Variants in QTMAN observed in about 807,000 individuals in gnomAD.
QTMAN encodes queuosine-tRNA mannosyltransferase, also known as tRNA-queuosine alpha-mannosyltransferase.
chr2:144,231,194 A>T, the QTMAN span, among the ~76,000 whole-genome samples: 2 of 152,172 alleles, frequency 1.3e-5, no homozygotes. Context: ...TTAAGGGAAG[A>T]TTACTCATTT....
the QTMAN span, among the ~76,000 whole-genome samples, chr2:144,136,213 G>C: frequency 4.0e-5 from 6 of 151,790 alleles, no homozygotes; most frequent in African/African-American, 1.2e-4. Context: ...TGCAGTCCCA[G>C]CTATCAGTAG....
chr2:144,016,647 C>T, the QTMAN span, among the ~76,000 whole-genome samples: 1 of 152,180 alleles, frequency 6.6e-6, no homozygotes, highest in Non-Finnish European at 1.5e-5. Context: ...GGGAAGCCAT[C>T]ATTTGCAGGT....
At chr2:144,077,660 T>C in the QTMAN span, among the ~76,000 whole-genome samples, 1 of 152,206 alleles carries the variant, frequency 6.6e-6, no homozygotes, top group African/African-American at 2.4e-5. Context: ...CACAAATATA[T>C]ATGTATGTGC....
the QTMAN span, among the ~76,000 whole-genome samples, chr2:144,279,693 C>T: frequency 1.3e-5 from 2 of 152,170 alleles, no homozygotes; most frequent in African/African-American, 4.8e-5. Flanking sequence ...TGAACTTTGT[C>T]CACCAAGTTC....
At chr2:144,157,151 CTTTA>C in the QTMAN span, among the ~76,000 whole-genome samples, 1 of 152,134 alleles carries the variant, frequency 6.6e-6, no homozygotes, top group South Asian at 2.1e-4. Flanking sequence ...GTTTGAAAAA[CTTTA>C]TTTACAGTGT....
chr2:144,302,225 T>C, the QTMAN span, among the ~76,000 whole-genome samples: 1 of 151,534 alleles, frequency 6.6e-6, no homozygotes, highest in African/African-American at 2.4e-5. Context: ...CTGCTTTTCC[T>C]CAATTATATA....
the QTMAN span, among the ~76,000 whole-genome samples, chr2:144,180,648 T>C: frequency 1.3e-5 from 2 of 152,210 alleles, no homozygotes; most frequent in African/African-American, 4.8e-5. Context: ...TTCACATTTT[T>C]AAAAAACTGC....
the QTMAN span, among the ~76,000 whole-genome samples, chr2:144,269,264 A>G: frequency 3.3e-5 from 5 of 152,186 alleles, no homozygotes; most frequent in African/African-American, 1.2e-4. Context: ...TTAAATAATA[A>G]TAATTCTAAA....
At chr2:144,075,043 A>G in the QTMAN span, among the ~76,000 whole-genome samples, 1 of 152,228 alleles carries the variant, frequency 6.6e-6, no homozygotes, top group African/African-American at 2.4e-5. Flanking sequence ...TGAGGAGGTA[A>G]GCAATACGGA....
At chr2:144,110,052 G>A in the QTMAN span, among the ~76,000 whole-genome samples, 1 of 152,156 alleles carries the variant, frequency 6.6e-6, no homozygotes, top group Admixed American at 6.5e-5. Context: ...TATATACCCA[G>A]AGGATTATAA....
At chr2:144,328,500 C>T in the QTMAN span, among the ~76,000 whole-genome samples, 20 of 152,334 alleles carry the variant, frequency 1.3e-4, no homozygotes, top group African/African-American at 4.1e-4. Flanking sequence ...AAACTGAGTA[C>T]ATCCAAAGGA....
At chr2:144,067,447 A>G in the QTMAN span, among the ~76,000 whole-genome samples, 1 of 152,248 alleles carries the variant, frequency 6.6e-6, no homozygotes, top group South Asian at 2.1e-4. Context: ...CTTCTATAGC[A>G]TTTAGCGAGG....
chr2:144,318,052 C>T, the QTMAN span, among the ~76,000 whole-genome samples: 2 of 152,042 alleles, frequency 1.3e-5, no homozygotes, highest in African/African-American at 4.8e-5. Context: ...ATTCATCGTC[C>T]CTTTCCCCTT....
the QTMAN span, among the ~76,000 whole-genome samples, chr2:144,158,399 C>A: frequency 6.6e-6 from 1 of 151,902 alleles, no homozygotes; most frequent in African/African-American, 2.4e-5. Context: ...TCAACACTTT[C>A]AACAGCAGGT....
At chr2:144,175,220 C>T in the QTMAN span, among the ~76,000 whole-genome samples, 1 of 151,906 alleles carries the variant, frequency 6.6e-6, no homozygotes, top group Non-Finnish European at 1.5e-5. Context: ...GAACAAAGAA[C>T]AAGAAAGTGA....
chr2:144,289,025 A>G, the QTMAN span, among the ~76,000 whole-genome samples: 1 of 151,408 alleles, frequency 6.6e-6, no homozygotes, highest in Non-Finnish European at 1.5e-5. Context: ...TGGACAAGAA[A>G]ATTCTTTTTT....
At chr2:144,271,599 T>C in the QTMAN span, among the ~76,000 whole-genome samples, 1 of 152,242 alleles carries the variant, frequency 6.6e-6, no homozygotes, top group South Asian at 2.1e-4. Flanking sequence ...ATAATATAAA[T>C]AATTACATGT....
At chr2:143,970,807 T>A in the QTMAN span, 1 of 1,077,732 alleles carries the variant, frequency 9.3e-7, no homozygotes, top group African/African-American at 1.6e-5. Context: ...CCTTAGGGCA[T>A]GTGTTAGGAA....
chr2:144,065,057 G>C, the QTMAN span, among the ~76,000 whole-genome samples: 1 of 152,182 alleles, frequency 6.6e-6, no homozygotes, highest in Non-Finnish European at 1.5e-5. Context: ...AATGTGGTGG[G>C]CTAAGGCCAA....
Sources: gnomAD v4.1 joint callset for allele counts (sites outside exome capture counted in the v4.1 genomes callset) on GRCh38, gnomAD v4.1.1 for gene constraint, MANE v1.5 for transcripts, NCBI Gene and HGNC (gene_info 2026-07-23, HGNC 2026-07-21) for gene names.